The following WDR62 variants were observed in gnomAD, a reference collection of about 807,000 sequenced individuals.
WDR62 encodes WD repeat-containing protein 62.
Under a neutral mutation model 160.6 loss-of-function variants are expected in WDR62, and 112 were observed. The observed-to-expected ratio is 0.70, with a 90% CI of 0.60 to 0.82. The LOEUF is 0.82. Among genes scored for constraint, WDR62 ranks in the 40% least tolerant of loss-of-function variants. The pLI is 0.00. For synonymous variants in WDR62, 792 were observed against 815.1 expected (o/e 0.97, Z 0.48); for missense variants, 1,819 against 1,983.8 (o/e 0.92, Z 1.58).
At chr19:36,057,087 T>G (rs1970411612) in intron 1 of WDR62, among the ~76,000 whole-genome samples, 1 of 152,176 alleles carries the variant, frequency 6.6e-6, no homozygotes, top group South Asian at 2.1e-4. Context: ...AGTGCTAGGA[T>G]TACAGGCGTG....
At chr19:36,091,146 A>T (rs1236876597) in intron 16 of WDR62, 54 bp from the exon 17 acceptor site, 1 of 1,510,600 alleles carries the variant, frequency 6.6e-7, no homozygotes, top group Non-Finnish European at 9.2e-7. Flanking sequence ...CCCAGGCCTC[A>T]TCATAAGGAA....
intron 3 of WDR62, among the ~76,000 whole-genome samples, chr19:36,064,282 G>T (rs8112640): frequency 1.3e-5 from 2 of 151,710 alleles, no homozygotes; most frequent in Non-Finnish European, 2.9e-5. Context: ...TTTTTTTTCT[G>T]TCTCTCTTTT....
intron 8 of WDR62, among the ~76,000 whole-genome samples, chr19:36,072,155 C>T (rs2023865): frequency 0.28 from 43,285 of 152,104 alleles, 6,429 homozygotes; most frequent in Non-Finnish European, 0.33. Context: ...AGCAAGTACA[C>T]GAAAAAGATA....
downstream of WDR62, among the ~76,000 whole-genome samples, chr19:36,108,853 CAAA>C (rs780896466): frequency 2.0e-5 from 1 of 50,800 alleles, no homozygotes; most frequent in East Asian, 5.2e-4. Context: ...GGCCCTGTCT[CAAA>C]AAAAAAAAAA....
At chr19:36,069,775 G>A (rs1423587045) in intron 7 of WDR62, among the ~76,000 whole-genome samples, 4 of 152,242 alleles carry the variant, frequency 2.6e-5, no homozygotes, top group African/African-American at 7.2e-5. Context: ...GACCACTCGC[G>A]GTTAGGAGCT....
chr19:36,103,874 C>T lies in WDR62; in HGVS notation c.4046C>T (p.Pro1349Leu), dbSNP rs1973566113. The T allele has an allele frequency of 2.5e-6, 4 of 1,601,636 alleles. No homozygotes were observed. The highest frequency in any genetic ancestry group is 2.2e-5 in the South Asian group (2 of 91,078). Residue 1349 changes from proline to leucine, a missense_variant, in exon 30 of 32, where the codon CCA becomes CTA. Around this residue, in one of 3 missense-constraint regions of WDR62, gnomAD observed 770 missense variants for 734.2 expected, o/e 1.05. Coordinates refer to ENST00000401500, the MANE Select transcript of WDR62 (RefSeq NM_001083961.2). ...LHGSAFRPSLPAPESPGLPAH... is the reference protein window; with the variant it reads ...LHGSAFRPSLLAPESPGLPAH... ...GGCTCTGCCTTTCGCCCAAGTCTCC[C>T]AGCTCCTGAGTCCCCTGGCCTTCCT... is the stretch of plus-strand genomic sequence containing the variant.
intron 18 of WDR62, 97 bp downstream of exon 18, chr19:36,091,562 G>T (rs1325356117): frequency 1.6e-6 from 2 of 1,230,286 alleles, no homozygotes; most frequent in African/African-American, 3.0e-5. Context: ...GCCCAGTTTG[G>T]ATTGTGGGAG....
At chr19:36,069,320 G>T (rs1334068532) in intron 7 of WDR62, among the ~76,000 whole-genome samples, 1 of 151,986 alleles carries the variant, frequency 6.6e-6, no homozygotes, top group Non-Finnish European at 1.5e-5. Flanking sequence ...CAGATGGGAC[G>T]GCCAGGCAGA....
chr19:36,080,169 G>A (rs1325992976), intron 9 of WDR62, among the ~76,000 whole-genome samples: 6 of 151,526 alleles, frequency 4.0e-5, no homozygotes, highest in Non-Finnish European at 4.4e-5. Flanking sequence ...GTGCAGTGGC[G>A]TGATCTCGGC....
intron 9 of WDR62, among the ~76,000 whole-genome samples, chr19:36,076,669 G>T (rs537090671): frequency 2.7e-5 from 4 of 150,188 alleles, no homozygotes; most frequent in Non-Finnish European, 5.9e-5. Context: ...CTATTGGGTC[G>T]TTCTTCCAGA....
intron 7 of WDR62, among the ~76,000 whole-genome samples, chr19:36,069,868 C>T (rs921002438): frequency 2.0e-5 from 3 of 152,104 alleles, no homozygotes; most frequent in South Asian, 2.1e-4. Context: ...CGTGGCGGCG[C>T]GCGCCTGCAA....
At chr19:36,068,085 A>C (rs1354788854) in intron 7 of WDR62, 75 bp downstream of exon 7, 1 of 1,525,290 alleles carries the variant, frequency 6.6e-7, no homozygotes, top group East Asian at 2.4e-5. Flanking sequence ...GCTCATCAGC[A>C]TTGACCACAC....
chr19:36,089,663 G>A (rs1426737575), intron 15 of WDR62, among the ~76,000 whole-genome samples: 2 of 152,156 alleles, frequency 1.3e-5, no homozygotes, highest in African/African-American at 2.4e-5. Context: ...GGCTGGTCTC[G>A]AACTCCTGAC....
chr19:36,081,868 T>A (rs1387475496), intron 10 of WDR62: 1 of 536,552 alleles, frequency 1.9e-6, no homozygotes, highest in Non-Finnish European at 3.6e-6. Flanking sequence ...GTGAAATTGC[T>A]TCCTAAGTCT....
Position 36,101,998 on chromosome 19 carries a change from C to T in WDR62, c.3083-16C>T. 1 of 1,614,054 alleles carries T rather than the reference C, an allele frequency of 6.2e-7. No individual in the cohort carries two copies. On this transcript the variant is annotated splice_polypyrimidine_tract_variant and intron_variant, in intron 25 of 31. Coordinates refer to ENST00000401500, the MANE Select transcript of WDR62 (RefSeq NM_001083961.2). ...TGGTGTTGGCTCCTCTTGTCCCTCC[C>T]CTCCTTCCCTGTCAGGATGCGCAGG...
intron 2 of WDR62, 94 bp from the exon 3 acceptor site, chr19:36,059,874 C>T: frequency 7.5e-7 from 1 of 1,340,720 alleles, no homozygotes; most frequent in South Asian, 1.2e-5. Context: ...ACCGAGGGAG[C>T]TTGTTTATTT....
At chr19:36,107,326 A>G (rs11084841), downstream of WDR62, among the ~76,000 whole-genome samples, 152,339 of 152,340 alleles carry the variant, frequency 1, 76,169 homozygotes, top group Middle Eastern at 1. Flanking sequence ...CCCTGACTGA[A>G]GTGCCTGGCA....
intron 5 of WDR62, 73 bp downstream of exon 5, chr19:36,066,500 G>A: frequency 6.6e-7 from 1 of 1,521,606 alleles, no homozygotes; most frequent in South Asian, 1.2e-5. Context: ...CACAGGGAGA[G>A]CTACATGAGA....
intron 19 of WDR62, 96 bp from the exon 20 acceptor site, chr19:36,093,935 A>T: frequency 6.7e-7 from 1 of 1,488,904 alleles, no homozygotes; most frequent in Non-Finnish European, 9.3e-7. Flanking sequence ...GAATATGTTC[A>T]CATGGAGCTT....
Sources: gnomAD v4.1 joint callset for allele counts (sites outside exome capture counted in the v4.1 genomes callset) on GRCh38, gnomAD v4.1.1 for gene constraint, gnomAD v4.1.1 regional missense constraint, MANE v1.5 for transcripts, NCBI Gene and HGNC (gene_info 2026-07-23, HGNC 2026-07-21) for gene names.